Variants in ECE1 observed in about 807,000 individuals in gnomAD.
ECE1 encodes the protein endothelin-converting enzyme 1.
In ECE1, 35 loss-of-function variants were observed where a neutral mutation model predicts 98.6. The ratio of observed to expected loss-of-function variants is 0.35; its 90% CI spans 0.27 to 0.47. The LOEUF is 0.47. Among genes scored for constraint, ECE1 ranks in the 20% least tolerant of loss-of-function variants. The probability of loss-of-function intolerance (pLI) is 1.00; values close to 1 mark genes in which losing one functional copy is unlikely to be tolerated. For missense variants in ECE1, 814 were observed against 1,025.3 expected (o/e 0.79, Z 2.81); for synonymous variants, 394 against 407.1 (o/e 0.97, Z 0.39).
chr1:21,304,020 T>TAA (rs35065663), intron 1 of ECE1, among the ~76,000 whole-genome samples: 61 of 140,252 alleles, frequency 4.3e-4, no homozygotes, highest in African/African-American at 9.8e-4. Flanking sequence ...CCATTTTCCT[T>TAA]AAAAAAAAAA....
Position 21,322,526 on chromosome 1 carries a change from C to G in ECE1, c.3+22850G>C, listed in dbSNP as rs12744647. On this transcript the variant is annotated intron_variant, in intron 1 of 18. Coordinates refer to the ECE1 transcript ENST00000415912. This position sits in a 1 kb window ranked among gnomAD's most constrained non-coding sequence, Gnocchi z 4.1. Reference sequence around the variant, plus strand: ...GCTGAGGCACAGGTTGGGGCTGTGCCAGGCCCCCCACATGTGTCACACTCC... The same window carrying G: ...GCTGAGGCACAGGTTGGGGCTGTGCGAGGCCCCCCACATGTGTCACACTCC... 0.083 allele frequency among the ~76,000 whole-genome samples: 12,654 copies of G among 152,274 alleles called. 619 individuals carry two copies. The highest frequency in any genetic ancestry group is 0.14 in the Middle Eastern group (40 of 294).
chr1:21,226,874 C>T (rs938815811), intron 16 of ECE1, among the ~76,000 whole-genome samples: 3 of 152,076 alleles, frequency 2.0e-5, no homozygotes, highest in Admixed American at 6.6e-5. Flanking sequence ...TACAGGCACC[C>T]GCCACCATGC....
intron 3 of ECE1, among the ~76,000 whole-genome samples, chr1:21,276,969 C>T (rs571124128): frequency 3.1e-4 from 47 of 152,300 alleles, no homozygotes; most frequent in Non-Finnish European, 4.7e-4. Flanking sequence ...CTGTCCATCT[C>T]GGCCTCCCAA....
rs914595894 is a variant in ECE1 at position 21,238,324 on chromosome 1, T to C, written c.1279-80A>G. On this transcript the variant is annotated intron_variant, in intron 10 of 18. Transcript: ENST00000374893. ...CCTTTCTTGCTGGGAGGTAGCACCA[T>C]GTGGGGCCCATGCTTTGTTCTGGAA... 45 of 1,107,642 alleles carry C rather than the reference T, an allele frequency of 4.1e-5. No homozygotes were observed. In the Admixed American group the frequency reaches 8.2e-4, roughly 20 times the overall value. The allele number at this position is 1,107,642 out of a possible 1,614,324, so 68.6% of individuals were successfully genotyped here. A position where few individuals can be genotyped will look rare whatever the true frequency, so the allele number is the denominator to read the frequency against.
chr1:21,272,996 G>T, intron 3 of ECE1, 85 bp from the exon 4 acceptor site: 1 of 1,472,180 alleles, frequency 6.8e-7, no homozygotes, highest in Admixed American at 1.8e-5. Flanking sequence ...GGGCCCAGGG[G>T]CCACATGTCC....
chr1:21,275,336 T>C (rs1162702678), intron 3 of ECE1, among the ~76,000 whole-genome samples: 1 of 152,220 alleles, frequency 6.6e-6, no homozygotes, highest in Admixed American at 6.5e-5. Flanking sequence ...GGCTCATGCC[T>C]GTAATCCCAG....
chr1:21,310,553 C>T (rs1299441013), intron 1 of ECE1, among the ~76,000 whole-genome samples: 3 of 152,132 alleles, frequency 2.0e-5, no homozygotes, highest in Admixed American at 6.5e-5. Flanking sequence ...AAGGAGGTTG[C>T]TGTTAGCAGA....
In ECE1 at chr1:21,345,218, C is replaced by T. The variant is rs952380146; in HGVS notation, c.3+158G>A. The T allele has an allele frequency of 1.2e-5, 12 of 1,027,790 alleles. No individual in the cohort carries two copies. The highest frequency in any genetic ancestry group is 5.1e-5 in the African/African-American group (3 of 58,672). The allele number at this position is 1,027,790 out of a possible 1,614,324, so 63.7% of individuals were successfully genotyped here. Reference sequence around the variant, plus strand: ...AGCCGCGCTCTGCCCGGGCGCTCCCCGACTCCACGCCTTCCGAGAGCCGGG... The same window carrying T: ...AGCCGCGCTCTGCCCGGGCGCTCCCTGACTCCACGCCTTCCGAGAGCCGGG... On this transcript the variant is annotated intron_variant, in intron 1 of 18. Coordinates refer to the ECE1 transcript ENST00000415912. This position sits in a 1 kb window ranked among gnomAD's most constrained non-coding sequence, Gnocchi z 5.1.
chr1:21,318,143 G>A (rs965262430), intron 1 of ECE1, among the ~76,000 whole-genome samples: 1 of 152,236 alleles, frequency 6.6e-6, no homozygotes, highest in Admixed American at 6.5e-5. Flanking sequence ...AGATGAACAA[G>A]AGTGAGGGAA....
At chr1:21,276,684 CTTTTTTTTTT>C (rs1163785168) in intron 3 of ECE1, among the ~76,000 whole-genome samples, 1 of 124,584 alleles carries the variant, frequency 8.0e-6, no homozygotes, top group South Asian at 2.6e-4. Flanking sequence ...GATTTGCTTT[CTTTTTTTTTT>C]TTTTTTTTTG....
At chr1:21,273,331 GCC>G (rs2098242529) in intron 3 of ECE1, among the ~76,000 whole-genome samples, 7 of 145,010 alleles carry the variant, frequency 4.8e-5, no homozygotes, top group Non-Finnish European at 1.1e-4. Context: ...GAAAGTGTGT[GCC>G]CGTGCGTGTG....
At chr1:21,318,551 T>C (rs1638887791) in intron 1 of ECE1, among the ~76,000 whole-genome samples, 1 of 152,106 alleles carries the variant, frequency 6.6e-6, no homozygotes, top group Admixed American at 6.5e-5. Flanking sequence ...TTTCTCTATC[T>C]GTAAAATGGG....
chr1:21,332,525 A>G (rs1024374542), intron 1 of ECE1, among the ~76,000 whole-genome samples: 14 of 134,842 alleles, frequency 1.0e-4, no homozygotes, highest in African/African-American at 4.0e-4. Context: ...AGTAAATGGC[A>G]GAGCTGGGAT....
intron 4 of ECE1, among the ~76,000 whole-genome samples, chr1:21,262,507 T>C (rs1025055586): frequency 8.5e-5 from 13 of 152,110 alleles, no homozygotes; most frequent in Non-Finnish European, 1.6e-4. Flanking sequence ...CGTCTCACCC[T>C]CCACATCTGG....
chr1:21,313,950 G>T (rs2103393645), intron 1 of ECE1, among the ~76,000 whole-genome samples: 1 of 152,294 alleles, frequency 6.6e-6, no homozygotes, highest in East Asian at 1.9e-4. Context: ...GCAGTAGTGT[G>T]GCCTGGGTTA....
intron 1 of ECE1, among the ~76,000 whole-genome samples, chr1:21,310,929 T>C (rs1336465746): frequency 1.3e-5 from 2 of 152,104 alleles, no homozygotes; most frequent in Non-Finnish European, 2.9e-5. Flanking sequence ...ATCAGCAACA[T>C]ATCCTACAAA....
intron 1 of ECE1, among the ~76,000 whole-genome samples, chr1:21,341,917 C>G (rs1014238207): frequency 3.3e-5 from 5 of 152,074 alleles, no homozygotes; most frequent in Non-Finnish European, 5.9e-5. Flanking sequence ...GGACTACAAG[C>G]GTGAGCCACT....
rs1028677543 is a variant in ECE1, at chr1:21,276,476, A to G, written c.280+2715T>C. 2.6e-5 allele frequency among the ~76,000 whole-genome samples: 4 copies of G among 152,158 alleles called. No homozygotes were observed. In the South Asian group the frequency reaches 6.2e-4, roughly 24 times the overall value. On this transcript the variant is annotated intron_variant, in intron 3 of 18. Coordinates refer to ENST00000374893, the MANE Select transcript of ECE1 (RefSeq NM_001397.3). ...AACAGATCCTAGATTTAATTTACAG[A>G]CACTCATCTGGACAGCCTGGCCTCA... is the stretch of plus-strand genomic sequence containing the variant.
Position 21,345,096 on chromosome 1 carries a change from G to A in ECE1, c.3+280C>T. 1.3e-5 allele frequency: 3 copies of A among 237,718 alleles called. No homozygotes were observed. The highest frequency in any genetic ancestry group is 5.7e-5 in the Admixed American group (1 of 17,598). The allele number at this position is 237,718 out of a possible 1,614,324, so 14.7% of individuals were successfully genotyped here. ...ACAGACCGCAGCAACCGTCCCCAAAGCGAACCGGGGACCCCGAGCCCCCCA... is the reference window on the plus strand; with the variant it reads ...ACAGACCGCAGCAACCGTCCCCAAAACGAACCGGGGACCCCGAGCCCCCCA... On this transcript the variant is annotated intron_variant, in intron 1 of 18. Coordinates refer to the ECE1 transcript ENST00000415912. The surrounding 1 kb of genome is among the most constrained non-coding windows in gnomAD (Gnocchi z 5.1).
Sources: allele counts gnomAD v4.1 joint callset (sites outside exome capture counted in the v4.1 genomes callset), GRCh38; gene constraint gnomAD v4.1.1; non-coding constraint Gnocchi (gnomAD v3.1); transcripts MANE v1.5; gene names NCBI Gene and HGNC (gene_info 2026-07-23, HGNC 2026-07-21).